Variants in GRIK2 observed in about 807,000 individuals in gnomAD.
GRIK2 encodes glutamate ionotropic receptor kainate type subunit 2, also known as glutamate receptor ionotropic, kainate 2.
In GRIK2, 32 loss-of-function variants were observed where a neutral mutation model predicts 100.3. The observed-to-expected ratio is 0.32, with a 90% CI of 0.24 to 0.43. The LOEUF is 0.43. Ranked by LOEUF, GRIK2 falls within the 20% of genes least tolerant of loss-of-function variation. The pLI, the probability that GRIK2 is intolerant of heterozygous loss-of-function variation, is 1.00. For synonymous variants in GRIK2, 417 were observed against 389.4 expected (o/e 1.07, Z -0.83); for missense variants, 843 against 1,114.9 (o/e 0.76, Z 3.47).
chr6:102,062,585 T>A, intron 16 of GRIK2, among the ~76,000 whole-genome samples: 1 of 150,246 alleles, frequency 6.7e-6, no homozygotes, highest in East Asian at 1.9e-4. Flanking sequence ...ATAATAAAAC[T>A]TTTTTTTAAA....
chr6:101,947,459 G>T lies in GRIK2; in HGVS notation c.2085+18827G>T, dbSNP rs181470257. On this transcript the variant is annotated intron_variant, in intron 14 of 16. Coordinates refer to ENST00000369134, the MANE Select transcript of GRIK2 (RefSeq NM_021956.5). ...TGGTTTAAAAAATTGTATGCAGTCT[G>T]CATTCCACTAAGTTTCTTAACCTAT... 1.4e-3 allele frequency among the ~76,000 whole-genome samples: 219 copies of T among 152,196 alleles called. 1 individual carries two copies. Among genetic ancestry groups the T allele is most frequent in the Middle Eastern group, 6.8e-3 (2 of 294 alleles).
At chr6:102,045,201 A>C (rs2518150) in intron 15 of GRIK2, among the ~76,000 whole-genome samples, 53,883 of 151,836 alleles carry the variant, frequency 0.35, 10,041 homozygotes, top group Middle Eastern at 0.45. Context: ...GACTACATAA[A>C]ATTTAGCAAG....
intron 4 of GRIK2, among the ~76,000 whole-genome samples, chr6:101,663,556 G>A (rs756454976): frequency 3.9e-5 from 6 of 152,236 alleles, no homozygotes; most frequent in Admixed American, 6.5e-5. Flanking sequence ...GGATGCTTCT[G>A]GATTATGCTT....
intron 2 of GRIK2, among the ~76,000 whole-genome samples, chr6:101,501,769 G>GTT: frequency 6.6e-6 from 1 of 152,144 alleles, no homozygotes; most frequent in East Asian, 1.9e-4. Context: ...GTTTTGTTTT[G>GTT]TTTTCCAAGA....
rs548237325 is a variant in GRIK2, at chr6:101,631,677, G to A, written c.541+5040G>A. On this transcript the variant is annotated intron_variant, in intron 4 of 16. Coordinates refer to ENST00000369134, the MANE Select transcript of GRIK2 (RefSeq NM_021956.5). ...CTTGATTCTTTTCTTTTTTTGGCTCGACAACAATCGGTTGTCAATTCTATA... is the reference window on the plus strand; with the variant it reads ...CTTGATTCTTTTCTTTTTTTGGCTCAACAACAATCGGTTGTCAATTCTATA... Among the ~76,000 whole-genome samples the A allele has an allele frequency of 1.1e-4, 17 of 151,924 alleles. No individual in the cohort carries two copies. The East Asian group carries it at 1.7e-3, about 16-fold the overall frequency.
chr6:101,700,595 G>A (rs1308439497), intron 7 of GRIK2, among the ~76,000 whole-genome samples: 2 of 152,092 alleles, frequency 1.3e-5, no homozygotes, highest in East Asian at 3.9e-4. Context: ...GCTGTAGGAT[G>A]AGCATTATTT....
At chr6:101,894,533 C>G (rs1787316075) in intron 12 of GRIK2, among the ~76,000 whole-genome samples, 1 of 151,622 alleles carries the variant, frequency 6.6e-6, no homozygotes, top group Non-Finnish European at 1.5e-5. Context: ...TGGGTTCATG[C>G]TTACTCAGAT....
intron 14 of GRIK2, among the ~76,000 whole-genome samples, chr6:101,936,662 C>T (rs1303796636): frequency 2.0e-5 from 3 of 152,080 alleles, no homozygotes; most frequent in South Asian, 2.1e-4. Flanking sequence ...CACCATTTTA[C>T]TATGTTCCCA....
chr6:101,630,200 G>A (rs1362555395), intron 4 of GRIK2, among the ~76,000 whole-genome samples: 1 of 152,068 alleles, frequency 6.6e-6, no homozygotes, highest in African/African-American at 2.4e-5. Flanking sequence ...CTATTTGATA[G>A]AATCATGTAT....
intron 2 of GRIK2, among the ~76,000 whole-genome samples, chr6:101,487,712 A>G (rs1455550126): frequency 1.4e-5 from 2 of 146,694 alleles, no homozygotes; most frequent in Non-Finnish European, 3.0e-5. Context: ...TTTTCACTCA[A>G]CAAATATTTA....
intron 7 of GRIK2, among the ~76,000 whole-genome samples, chr6:101,712,836 T>C (rs1773811144): frequency 1.3e-5 from 2 of 151,934 alleles, no homozygotes; most frequent in African/African-American, 2.4e-5. Context: ...GAAGCTCTTG[T>C]AGGCTTTAAA....
chr6:101,529,208 A>T (rs997991259), intron 2 of GRIK2, among the ~76,000 whole-genome samples: 1 of 152,112 alleles, frequency 6.6e-6, no homozygotes, highest in East Asian at 1.9e-4. Context: ...TAGTTTACAC[A>T]ATTCAGTTTA....
intron 15 of GRIK2, among the ~76,000 whole-genome samples, chr6:102,053,902 A>G (rs1771336642): frequency 6.6e-6 from 1 of 152,180 alleles, no homozygotes; most frequent in Non-Finnish European, 1.5e-5. Flanking sequence ...GGGCTAATAT[A>G]TTGAAATCTG....
intron 14 of GRIK2, among the ~76,000 whole-genome samples, chr6:101,958,284 G>GTGTGTGTGT (rs758541113): frequency 0.032 from 611 of 18,890 alleles, 5 homozygotes; most frequent in Non-Finnish European, 0.063. Context: ...TGTGTGTGTG[G>GTGTGTGTGT]GTCCATTGCA....
chr6:101,624,483 CAAT>C (rs1780334039), intron 3 of GRIK2, among the ~76,000 whole-genome samples: 1 of 152,138 alleles, frequency 6.6e-6, no homozygotes, highest in East Asian at 1.9e-4. Flanking sequence ...AGTGTTCTGA[CAAT>C]AATTTACTTA....
intron 2 of GRIK2, among the ~76,000 whole-genome samples, chr6:101,555,281 C>T (rs894343302): frequency 4.6e-5 from 7 of 152,074 alleles, no homozygotes; most frequent in African/African-American, 1.2e-4. Context: ...TGTGCTGTGC[C>T]GGGAAGTATA....
chr6:101,626,862 T>A (rs527879117), intron 4 of GRIK2, among the ~76,000 whole-genome samples: 55 of 152,186 alleles, frequency 3.6e-4, no homozygotes, highest in African/African-American at 1.3e-3. Context: ...AGCATTTTTT[T>A]ATTCCTGTGA....
In GRIK2 at chr6:102,068,471, T is replaced by C; in HGVS notation, c.2687T>C (p.Phe896Ser). 4.3e-6 allele frequency: 7 copies of C among 1,611,950 alleles called. No homozygotes were observed. The highest frequency in any genetic ancestry group is 5.1e-6 in the Non-Finnish European group (6 of 1,178,628). ...GAAGAAGTTATCAACATGCACACATTTAACGACAGAAGGTTGCCAGGTAAA... is the reference window on the plus strand; with the variant it reads ...GAAGAAGTTATCAACATGCACACATCTAACGACAGAAGGTTGCCAGGTAAA... ...KTEEVINMHT[F>S]NDRRLPGKET... is the part of the protein sequence containing the mutation. Residue 896 changes from phenylalanine to serine, a missense_variant, in exon 17 of 17, where the codon TTT (phenylalanine) becomes TCT (serine). Phe to Ser is a radical substitution (Grantham distance 155). This residue lies in a region of GRIK2 where 87 missense variants were observed against 83.2 expected (regional missense o/e 1.05). Transcript: ENST00000369134.
At chr6:101,770,735 G>A (rs939353924) in intron 7 of GRIK2, among the ~76,000 whole-genome samples, 1 of 152,118 alleles carries the variant, frequency 6.6e-6, no homozygotes, top group South Asian at 2.1e-4. Context: ...TTTGGCTTCA[G>A]TACACATTCT....
Sources: allele counts gnomAD v4.1 joint callset (sites outside exome capture counted in the v4.1 genomes callset), GRCh38; gene constraint gnomAD v4.1.1; regional missense constraint gnomAD v4.1.1; transcripts MANE v1.5; gene names NCBI Gene and HGNC (gene_info 2026-07-23, HGNC 2026-07-21).